The following THUMPD1 variants were observed in gnomAD, a reference collection of about 807,000 sequenced individuals.
The protein encoded by THUMPD1 is THUMP domain-containing protein 1.
THUMPD1 carries 31 observed loss-of-function variants against 31.6 expected under a neutral mutation model. The observed-to-expected ratio is 0.98, with a 90% CI of 0.74 to 1.32. The LOEUF (loss-of-function observed/expected upper bound fraction) is 1.32, where lower values mean the gene tolerates loss of function less well. Ranked by LOEUF, THUMPD1 falls within the 40% of genes most tolerant of loss-of-function variation. The pLI is 0.00. For missense variants in THUMPD1, 446 were observed against 427.8 expected, an observed-to-expected ratio of 1.04 and a Z score of -0.38; for synonymous variants, 166 against 158.2, an observed-to-expected ratio of 1.05 and a Z score of -0.37.
intron 2 of THUMPD1, 26 bp downstream of exon 2, chr16:20,738,871 A>T (rs1184597815): frequency 9.9e-6 from 16 of 1,610,586 alleles, no homozygotes; most frequent in Non-Finnish European, 1.4e-5. Context: ...TATGAGATCG[A>T]TAATCTTAGC....
chr16:20,741,344 G>C (rs532034300), intron 1 of THUMPD1, among the ~76,000 whole-genome samples, 165 bp downstream of exon 1: 2 of 152,218 alleles, frequency 1.3e-5, no homozygotes, highest in Non-Finnish European at 1.5e-5. Context: ...CGAAGTCTGC[G>C]AGCGTCTCAG....
chr16:20,740,872 A>G (rs2152421962), intron 1 of THUMPD1, among the ~76,000 whole-genome samples: 1 of 152,370 alleles, frequency 6.6e-6, no homozygotes, highest in South Asian at 2.1e-4. Context: ...TTATTGCTTC[A>G]GGTAAACACA....
rs2079847599 is a variant in THUMPD1 at position 20,733,984 on chromosome 16, G to A, written c.*2896C>T. ...CATTTATAAAATAACATGCTCAAAT[G>A]TCAGTGAAAATAAACAGTTGATAAA... On this transcript the variant is annotated 3_prime_UTR_variant, in exon 4 of 4. Transcript: ENST00000396083. The A allele has an allele frequency of 6.6e-6, 1 of 152,116 alleles. No individual in the cohort carries two copies. Among genetic ancestry groups the A allele is most frequent in the Admixed American group, 6.6e-5 (1 of 15,266 alleles). The allele number at this position is 152,116 out of a possible 1,614,324, so 9.4% of individuals were successfully genotyped here. A position where few individuals can be genotyped will look rare whatever the true frequency, so the allele number is the denominator to read the frequency against.
chr16:20,741,481 G>GGGGGGGCGGC, intron 1 of THUMPD1, 28 bp downstream of exon 1: 1 of 1,308,414 alleles, frequency 7.6e-7, no homozygotes, highest in Non-Finnish European at 9.9e-7. Context: ...CTGGCAGCCG[G>GGGGGGGCGGC]CCCGCCCGCC....
rs774984968 is a variant in THUMPD1 at position 20,737,146 on chromosome 16, C to A, written c.796G>T (p.Glu266Ter). Residue 266 changes from glutamate to a stop codon, truncating the protein, a stop_gained, in exon 4 of 4, where the codon GAG becomes TAG. Transcript: ENST00000396083. LOFTEE classifies it high-confidence loss of function. The stretch of plus-strand genomic sequence containing the variant: ...GGATCCTTAGGGCTCTTCACCACCT[C>A]CTGGAGATTGTATTTTCTAAACAAC... ...YMLFRKYNLQ[E>*]VVKSPKDPSQ... is the part of the protein sequence containing the mutation. The A allele has an allele frequency of 1.2e-6, 2 of 1,614,214 alleles. No homozygotes were observed. Among genetic ancestry groups the A allele is most frequent in the East Asian group, 4.5e-5 (2 of 44,880 alleles).
chr16:20,738,767 G>A (rs1466769), intron 2 of THUMPD1, 130 bp downstream of exon 2: 34,532 of 1,041,546 alleles, frequency 0.033, 698 homozygotes, highest in Non-Finnish European at 0.041. Context: ...TGCTAATACA[G>A]TGTACAGAAG....
intron 3 of THUMPD1, 53 bp from the exon 4 acceptor site, chr16:20,737,339 T>G (rs1255536386): frequency 5.3e-6 from 8 of 1,518,656 alleles, no homozygotes; most frequent in Non-Finnish European, 7.0e-6. Flanking sequence ...TTACATCTGA[T>G]AGATACAAAA....
intron 3 of THUMPD1, 35 bp from the exon 4 acceptor site, chr16:20,737,321 G>C: frequency 6.4e-7 from 1 of 1,566,428 alleles, no homozygotes; most frequent in Non-Finnish European, 8.6e-7. Context: ...TAGCTGAGGA[G>C]GATACCATTA....
chr16:20,738,951 G>T lies in THUMPD1; in HGVS notation c.352C>A (p.Gln118Lys). ...TTATTTGCTCCACTTTCCACTGACT[G>T]GAATCTTCTTAACCTCATCTCTGTA... Reference protein sequence around the residue: ...ASTEMRLRRFQSVESGANNVV... With the variant: ...ASTEMRLRRFKSVESGANNVV... Residue 118 changes from glutamine (Q) to lysine (K), a missense_variant, in exon 2 of 4, where the codon CAG becomes AAG. Gln to Lys is a moderately conservative substitution (Grantham distance 53). Transcript: ENST00000396083. 6.2e-7 allele frequency: 1 copy of T among 1,614,144 alleles called. No individual in the cohort carries two copies. The highest frequency in any genetic ancestry group is 8.5e-7 in the Non-Finnish European group (1 of 1,180,026).
chr16:20,737,844 T>TA lies in THUMPD1; in HGVS notation c.518dup (p.Leu173PhefsTer17). 1 of 1,613,904 alleles carries TA rather than the reference T, an allele frequency of 6.2e-7. No individual in the cohort carries two copies. The highest frequency in any genetic ancestry group is 8.5e-7 in the Non-Finnish European group (1 of 1,179,914). ...TTTCTGCATATTTTTTCATATCTTC[T>TA]AAAAAAGCCTTGCATGTGCCTGAGA... On this transcript the variant is annotated frameshift_variant, in exon 3 of 4. Coordinates refer to ENST00000396083, the MANE Select transcript of THUMPD1 (RefSeq NM_017736.5). LOFTEE classifies it high-confidence loss of function.
chr16:20,736,692 A>T lies in THUMPD1; in HGVS notation c.*188T>A. On this transcript the variant is annotated 3_prime_UTR_variant, in exon 4 of 4. Transcript: ENST00000396083. ...GCACATGGGTCTGCCTCTACGTAAT[A>T]CCATAAAGGCTGAAAGATCCCTAAA... 1 of 620,910 alleles carries T rather than the reference A, an allele frequency of 1.6e-6. No individual in the cohort carries two copies. The highest frequency in any genetic ancestry group is 2.8e-6 in the Non-Finnish European group (1 of 362,450). 38.5% of individuals were successfully genotyped at this position (620,910 alleles called of 1,614,324 possible).
chr16:20,737,410 A>T, intron 3 of THUMPD1, 124 bp from the exon 4 acceptor site: 13 of 982,330 alleles, frequency 1.3e-5, no homozygotes, highest in Non-Finnish European at 1.9e-5. Flanking sequence ...TTCTATGTGG[A>T]CTTCAAATAA....
rs2079886081 is a variant in THUMPD1, at chr16:20,738,069, G to C, written c.407-113C>G. The stretch of plus-strand genomic sequence containing the variant: ...AGTTGACAGAAGAAATTCTCATAAT[G>C]AATTTTAAATGAATCTACCTAGTCA... On this transcript the variant is annotated intron_variant, in intron 2 of 3. Transcript: ENST00000396083. 3 of 1,041,096 alleles carry C rather than the reference G, an allele frequency of 2.9e-6. No individual in the cohort carries two copies. In the East Asian group the frequency reaches 7.2e-5, roughly 25 times the overall value. 64.5% of individuals were successfully genotyped at this position (1,041,096 alleles called of 1,614,324 possible).
At chr16:20,741,405 G>T in intron 1 of THUMPD1, 104 bp downstream of exon 1, 1 of 1,389,028 alleles carries the variant, frequency 7.2e-7, no homozygotes, top group Non-Finnish European at 9.5e-7. Flanking sequence ...CCGTCACGCC[G>T]ACGACCCGAG....
In THUMPD1 at chr16:20,737,118, G is replaced by A. The variant is rs1413240361; in HGVS notation, c.824C>T (p.Ser275Leu). The A allele has an allele frequency of 6.2e-7, 1 of 1,614,038 alleles. No homozygotes were observed. Among genetic ancestry groups the A allele is most frequent in the African/African-American group, 1.3e-5 (1 of 74,904 alleles). ...QEVVKSPKDP[S>L]QLNSKQGNGK... ...ATTTCCCTGCTTTGAGTTAAGCTGT[G>A]ACGGATCCTTAGGGCTCTTCACCAC... Residue 275 changes from serine (S) to leucine (L), a missense_variant, in exon 4 of 4, where the codon TCA becomes TTA. Coordinates refer to ENST00000396083, the MANE Select transcript of THUMPD1 (RefSeq NM_017736.5).
At position 20,735,320 on chromosome 16, in the gene THUMPD1, A is replaced by G. The variant is rs1349884741; in HGVS notation, c.*1560T>C. ...AACGCTTCCTCTGAGAAGCCACTGG[A>G]TGTCTGTATGGTGCAGGAGGTTTAT... On this transcript the variant is annotated 3_prime_UTR_variant, in exon 4 of 4. Transcript: ENST00000396083. 1 of 151,046 alleles carries G rather than the reference A, an allele frequency of 6.6e-6. No homozygotes were observed. The highest frequency in any genetic ancestry group is 1.5e-5 in the Non-Finnish European group (1 of 67,906). 9.4% of individuals were successfully genotyped at this position (151,046 alleles called of 1,614,324 possible).
At position 20,736,378 on chromosome 16, in the gene THUMPD1, TAAA is replaced by T. The variant is rs33947944; in HGVS notation, c.*499_*501del. 3.3e-4 allele frequency: 43 copies of T among 129,248 alleles called. No homozygotes were observed. Among genetic ancestry groups the T allele is most frequent in the Admixed American group, 3.9e-4 (5 of 12,964 alleles). The allele number at this position is 129,248 out of a possible 1,614,324, so 8.0% of individuals were successfully genotyped here. A position where few individuals can be genotyped will look rare whatever the true frequency, so the allele number is the denominator to read the frequency against. On this transcript the variant is annotated 3_prime_UTR_variant, in exon 4 of 4. Coordinates refer to ENST00000396083, the MANE Select transcript of THUMPD1 (RefSeq NM_017736.5). ...TGTCAGCTATATTACACACAAATGT[TAAA>T]AAAAAAAAAAAAAAACAGACATAAA...
At chr16:20,738,851 A>G (rs2079892870) in intron 2 of THUMPD1, 46 bp downstream of exon 2, 1 of 1,598,350 alleles carries the variant, frequency 6.3e-7, no homozygotes, top group South Asian at 1.1e-5. Flanking sequence ...ACAGGAAGAT[A>G]CCCAGATGTT....
At position 20,741,667 on chromosome 16, in the gene THUMPD1, C is replaced by T. The variant is rs1206674026; in HGVS notation, c.73G>A (p.Ala25Thr). Residue 25 changes from alanine (A) to threonine (T), a missense_variant, in exon 1 of 4, where the codon GCC becomes ACC. Transcript: ENST00000396083. The part of the protein sequence containing the change: ...KRKGKAQYVL[A>T]KRARRCDAGG... ...GCGTCGCAGCGCCGAGCGCGCTTGG[C>T]CAGCACATACTGAGCCTTGCCTTTG... 2.5e-6 allele frequency: 4 copies of T among 1,583,864 alleles called. No individual in the cohort carries two copies. Among genetic ancestry groups the T allele is most frequent in the Non-Finnish European group, 3.4e-6 (4 of 1,165,346 alleles).
Sources: gnomAD v4.1 joint callset for allele counts (sites outside exome capture counted in the v4.1 genomes callset) on GRCh38, gnomAD v4.1.1 for gene constraint, MANE v1.5 for transcripts, NCBI Gene and HGNC (gene_info 2026-07-23, HGNC 2026-07-21) for gene names.